CLCA2: variants seen among roughly 807,000 people sequenced by gnomAD.
CLCA2 encodes the protein calcium-activated chloride channel regulator 2.
CLCA2 carries 85 observed loss-of-function variants against 82.9 expected under a neutral mutation model. The observed-to-expected ratio is 1.03, with a 90% CI of 0.86 to 1.23. CLCA2 has a LOEUF of 1.23. Ranked by LOEUF, CLCA2 falls within the 50% of genes most tolerant of loss-of-function variation. The pLI, the probability that CLCA2 is intolerant of heterozygous loss-of-function variation, is 0.00. For synonymous variants in CLCA2, 421 were observed against 391.7 expected (o/e 1.07, Z -0.88); for missense variants, 1,089 against 1,124.8 (o/e 0.97, Z 0.45).
At chr1:86,425,011 G>A (rs1662360814) in intron 1 of CLCA2, among the ~76,000 whole-genome samples, 1 of 152,144 alleles carries the variant, frequency 6.6e-6, no homozygotes, top group South Asian at 2.1e-4. Context: ...GAAATCAGTA[G>A]CATCATAAGG....
At chr1:86,453,740 G>C (rs2101714153) in intron 13 of CLCA2, 138 bp downstream of exon 13, 1 of 770,768 alleles carries the variant, frequency 1.3e-6, no homozygotes, top group East Asian at 2.7e-5. Flanking sequence ...TTAAATCCTG[G>C]AGTCCCAGAA....
chr1:86,437,033 G>A (rs1216436056), intron 6 of CLCA2, among the ~76,000 whole-genome samples: 1 of 152,116 alleles, frequency 6.6e-6, no homozygotes, highest in Non-Finnish European at 1.5e-5. Context: ...TCTTAAACAT[G>A]GTCTCAGAGT....
In CLCA2 at chr1:86,441,466, T is replaced by A. The variant is rs138070441; in HGVS notation, c.1411T>A (p.Ser471Thr). The change falls in exon 9 of 14, where the codon TCA (serine) becomes ACA (threonine). Residue 471 changes from serine to threonine, a missense_variant. Physicochemically the swap from Ser to Thr is moderately conservative, Grantham distance 58 (BLOSUM62 1). Transcript: ENST00000370565. ...TTTAAAGTTCTTTGTTCCAGATATA[T>A]CAAACTCCAATAGCATGATTGATGC... is the stretch of plus-strand genomic sequence containing the variant. ...GGLKFFVPDISNSNSMIDAFS... is the reference protein window; with the variant it reads ...GGLKFFVPDITNSNSMIDAFS... The A allele has an allele frequency of 5.3e-4, 848 of 1,608,874 alleles. 4 individuals carry two copies. The African/African-American group carries it at 8.7e-3, about 17-fold the overall frequency.
At chr1:86,425,232 T>C in intron 1 of CLCA2, 107 bp from the exon 2 acceptor site, 3 of 740,854 alleles carry the variant, frequency 4.0e-6, no homozygotes, top group Admixed American at 3.5e-5. Context: ...GAAATGGGTC[T>C]CTTCAAAATA....
intron 6 of CLCA2, among the ~76,000 whole-genome samples, chr1:86,437,478 A>T (rs979597933): frequency 1.3e-5 from 2 of 152,218 alleles, no homozygotes; most frequent in African/African-American, 4.8e-5. Flanking sequence ...TCAATCTTGA[A>T]GGATTCAACT....
chr1:86,455,549 C>T lies in CLCA2; in HGVS notation c.*22C>T. ...ATAAATAAATATCCAAAGTGTCTTC[C>T]TTCTTAGATATAAGACCCATGGCCT... On this transcript the variant is annotated 3_prime_UTR_variant, in exon 14 of 14. Coordinates refer to ENST00000370565, the MANE Select transcript of CLCA2 (RefSeq NM_006536.7). 1 of 1,424,272 alleles carries T rather than the reference C, an allele frequency of 7.0e-7. No individual in the cohort carries two copies. Among genetic ancestry groups the T allele is most frequent in the Non-Finnish European group, 9.3e-7 (1 of 1,079,060 alleles). The allele number at this position is 1,424,272 out of a possible 1,614,324, so 88.2% of individuals were successfully genotyped here.
intron 12 of CLCA2, among the ~76,000 whole-genome samples, chr1:86,452,021 A>G (rs535638322): frequency 2.4e-4 from 37 of 152,004 alleles, no homozygotes; most frequent in Non-Finnish European, 4.3e-4. Context: ...TTTAGCTAAA[A>G]TCTCTTCTTT....
At chr1:86,430,131 G>A (rs557268132) in intron 3 of CLCA2, among the ~76,000 whole-genome samples, 8 of 152,242 alleles carry the variant, frequency 5.3e-5, no homozygotes, top group Admixed American at 6.5e-5. Flanking sequence ...TGCTTTGGGA[G>A]GGGAGTTCAT....
At chr1:86,448,130 C>A in intron 11 of CLCA2, 1 of 213,002 alleles carries the variant, frequency 4.7e-6, no homozygotes, top group Non-Finnish European at 9.4e-6. Context: ...TTATTATTCA[C>A]TGAAGTAATC....
At chr1:86,452,316 C>G (rs907212836) in intron 12 of CLCA2, among the ~76,000 whole-genome samples, 6 of 151,798 alleles carry the variant, frequency 4.0e-5, no homozygotes, top group Non-Finnish European at 7.4e-5. Flanking sequence ...CCTCTCCACA[C>G]CATCTCCCAT....
intron 12 of CLCA2, among the ~76,000 whole-genome samples, chr1:86,453,053 A>C (rs1008399349): frequency 6.6e-6 from 1 of 152,088 alleles, no homozygotes; most frequent in South Asian, 2.1e-4. Context: ...GGCACCTGTA[A>C]TCCCAGCTAC....
In CLCA2 at chr1:86,430,946, G is replaced by A; in HGVS notation, c.560G>A (p.Gly187Glu). 6.2e-7 allele frequency: 1 copy of A among 1,610,682 alleles called. No homozygotes were observed. The highest frequency in any genetic ancestry group is 8.5e-7 in the Non-Finnish European group (1 of 1,178,234). ...YNNDKPFYINGQNQIKVTRCS... is the reference protein window; with the variant it reads ...YNNDKPFYINEQNQIKVTRCS... ...AATGACAAACCTTTCTACATAAATG[G>A]GCAAAATCAAATTAAAGTGACAAGG... is the stretch of plus-strand genomic sequence containing the variant. Residue 187 changes from glycine to glutamate, a missense_variant, in exon 4 of 14, where the codon GGG (glycine) becomes GAG (glutamate). Gly to Glu is a moderately conservative substitution (Grantham distance 98). Coordinates refer to ENST00000370565, the MANE Select transcript of CLCA2 (RefSeq NM_006536.7).
chr1:86,450,927 G>T (rs575951962), intron 12 of CLCA2, among the ~76,000 whole-genome samples, 194 bp downstream of exon 12: 1 of 152,160 alleles, frequency 6.6e-6, no homozygotes, highest in Non-Finnish European at 1.5e-5. Flanking sequence ...ACAGGAAGGC[G>T]ATAGGTAATG....
In CLCA2 at chr1:86,428,507, C is replaced by T; in HGVS notation, c.414C>T (p.Tyr138=). 6.2e-7 allele frequency: 1 copy of T among 1,613,752 alleles called. No individual in the cohort carries two copies. Among genetic ancestry groups the T allele is most frequent in the Non-Finnish European group, 8.5e-7 (1 of 1,179,766 alleles). The change falls in exon 3 of 14, where the codon TAC becomes TAT. Residue 138 remains tyrosine, a synonymous_variant. Transcript: ENST00000370565. ...GAGGGTGTGGAAAAGAGGGAAAATACATTCATTTCACACCTAATTTCCTAC... is the reference window on the plus strand; with the variant it reads ...GAGGGTGTGGAAAAGAGGGAAAATATATTCATTTCACACCTAATTTCCTAC... ...QYRGCGKEGK[Y]IHFTPNFLLN...
At chr1:86,443,679 A>T in intron 9 of CLCA2, 108 bp from the exon 10 acceptor site, 1 of 834,264 alleles carries the variant, frequency 1.2e-6, no homozygotes, top group Non-Finnish European at 1.8e-6. Flanking sequence ...ACCTGTCAGA[A>T]TTAAATTATT....
intron 7 of CLCA2, 114 bp downstream of exon 7, chr1:86,439,220 A>C: frequency 1.2e-6 from 1 of 854,206 alleles, no homozygotes; most frequent in Non-Finnish European, 1.9e-6. Context: ...TAACAGCCTC[A>C]ACTATGAAAG....
chr1:86,425,354 G>T lies in CLCA2; in HGVS notation c.202G>T (p.Ala68Ser). ...ISNIKEMITE[A>S]SFYLFNATKR... ...CTGGCTGTAGGAAATGATAACTGAA[G>T]CTTCATTTTACCTATTTAATGCTAC... Residue 68 changes from alanine (A) to serine (S), a missense_variant, in exon 2 of 14, where the codon GCT (alanine) becomes TCT (serine). Coordinates refer to ENST00000370565, the MANE Select transcript of CLCA2 (RefSeq NM_006536.7). The T allele has an allele frequency of 6.4e-7, 1 of 1,555,842 alleles. No individual in the cohort carries two copies. Among genetic ancestry groups the T allele is most frequent in the East Asian group, 2.3e-5 (1 of 43,502 alleles).
Position 86,438,894 on chromosome 1 carries a change from C to A in CLCA2, c.991C>A (p.Leu331Ile). The part of the protein sequence containing the change: ...KMAEADRLLQ[L>I]QQAAEFYLMQ... ...GACATAGGCTGACAGACTCCTTCAACTACAACAAGCCGCAGAATTTTATTT... is the reference window on the plus strand; with the variant it reads ...GACATAGGCTGACAGACTCCTTCAAATACAACAAGCCGCAGAATTTTATTT... Residue 331 changes from leucine (L) to isoleucine (I), a missense_variant, in exon 7 of 14, where the codon CTA (leucine) becomes ATA (isoleucine). Physicochemically the swap from Leu to Ile is conservative, Grantham distance 5. Transcript: ENST00000370565. 1 of 1,614,062 alleles carries A rather than the reference C, an allele frequency of 6.2e-7. No individual in the cohort carries two copies. Among genetic ancestry groups the A allele is most frequent in the Non-Finnish European group, 8.5e-7 (1 of 1,179,972 alleles).
chr1:86,439,702 T>TA (rs371739654), intron 7 of CLCA2, among the ~76,000 whole-genome samples: 13 of 152,040 alleles, frequency 8.6e-5, no homozygotes, highest in East Asian at 7.7e-4. Context: ...ACCTGGGGAT[T>TA]AAAAAAAATA....
Sources: gnomAD v4.1 joint callset for allele counts (sites outside exome capture counted in the v4.1 genomes callset) on GRCh38, gnomAD v4.1.1 for gene constraint, MANE v1.5 for transcripts, NCBI Gene and HGNC (gene_info 2026-07-23, HGNC 2026-07-21) for gene names.